The following SLCO1A2 variants were observed in gnomAD, a reference collection of about 807,000 sequenced individuals.
SLCO1A2 encodes the protein OATP-1.
SLCO1A2 carries 67 observed loss-of-function variants against 69.0 expected under a neutral mutation model. The observed-to-expected ratio is 0.97, with a 90% CI of 0.80 to 1.19. SLCO1A2 has a LOEUF of 1.19. Ranked by LOEUF, SLCO1A2 falls within the 50% of genes most tolerant of loss-of-function variation. SLCO1A2 has a pLI of 0.00. For synonymous variants in SLCO1A2, 260 were observed against 265.9 expected, an observed-to-expected ratio of 0.98 and a Z score of 0.22; for missense variants, 787 against 793.7, an observed-to-expected ratio of 0.99 and a Z score of 0.10.
intron 4 of SLCO1A2, among the ~76,000 whole-genome samples, chr12:21,310,020 A>C (rs188814290): frequency 6.6e-6 from 1 of 152,342 alleles, no homozygotes; most frequent in African/African-American, 2.4e-5. Flanking sequence ...TGATATAACG[A>C]GGTAATTATT....
intron 11 of SLCO1A2, among the ~76,000 whole-genome samples, chr12:21,292,538 T>C (rs1016811115): frequency 6.6e-6 from 1 of 152,160 alleles, no homozygotes; most frequent in Non-Finnish European, 1.5e-5. Flanking sequence ...TAAATATGAA[T>C]AGTAAATTTG....
chr12:21,328,884 T>C (rs1952428432), intron 2 of SLCO1A2, among the ~76,000 whole-genome samples: 1 of 152,166 alleles, frequency 6.6e-6, no homozygotes. Flanking sequence ...AATGGGAGAA[T>C]ATCCCAGTTA....
chr12:21,391,268 T>C (rs1348940776), intron 1 of SLCO1A2, among the ~76,000 whole-genome samples: 1 of 152,158 alleles, frequency 6.6e-6, no homozygotes, highest in Non-Finnish European at 1.5e-5. Context: ...TACCCATTTA[T>C]AGAGGAGCCC....
intron 12 of SLCO1A2, among the ~76,000 whole-genome samples, chr12:21,286,808 T>C (rs1302631024): frequency 1.5e-5 from 2 of 133,734 alleles, no homozygotes; most frequent in Non-Finnish European, 3.1e-5. Flanking sequence ...GCTAGCCATA[T>C]GTAGAAAGCT....
chr12:21,301,461 C>T (rs1948704344), intron 6 of SLCO1A2, among the ~76,000 whole-genome samples, 192 bp from the exon 7 acceptor site: 1 of 152,142 alleles, frequency 6.6e-6, no homozygotes, highest in Admixed American at 6.6e-5. Flanking sequence ...AAAGAAGCCT[C>T]ATAATTTAAA....
At chr12:21,412,353 C>G (rs1941921459) in intron 1 of SLCO1A2, among the ~76,000 whole-genome samples, 1 of 151,662 alleles carries the variant, frequency 6.6e-6, no homozygotes, top group South Asian at 2.1e-4. Context: ...TACACTCCAG[C>G]CTGGTGATAG....
chr12:21,296,686 G>C (rs911532104), intron 9 of SLCO1A2, among the ~76,000 whole-genome samples: 24 of 152,272 alleles, frequency 1.6e-4, no homozygotes, highest in African/African-American at 5.3e-4. Context: ...GATAGCCCTA[G>C]GTTCCATCTA....
chr12:21,419,367 G>C (rs555960840), upstream of SLCO1A2: 14 of 153,862 alleles, frequency 9.1e-5, 1 homozygote, highest in Admixed American at 9.2e-4. Context: ...TGCGTGCACC[G>C]TGCGCGAGCC....
At chr12:21,321,282 A>G (rs1951586846) in intron 2 of SLCO1A2, among the ~76,000 whole-genome samples, 1 of 152,070 alleles carries the variant, frequency 6.6e-6, no homozygotes, top group Non-Finnish European at 1.5e-5. Flanking sequence ...CCCTTTTGCT[A>G]TGCATGCTGT....
intron 12 of SLCO1A2, among the ~76,000 whole-genome samples, chr12:21,277,816 C>G (rs766444923): frequency 6.6e-6 from 1 of 152,158 alleles, no homozygotes; most frequent in Admixed American, 6.5e-5. Context: ...AGGCAGAACT[C>G]AGGGGGTAAT....
At chr12:21,383,779 A>G (rs1343875543) in intron 1 of SLCO1A2, among the ~76,000 whole-genome samples, 2 of 152,092 alleles carry the variant, frequency 1.3e-5, no homozygotes, top group Non-Finnish European at 2.9e-5. Flanking sequence ...TTGGTTATGT[A>G]TGCTCAAGTG....
chr12:21,360,920 A>T (rs925507031), intron 2 of SLCO1A2, among the ~76,000 whole-genome samples: 2 of 152,166 alleles, frequency 1.3e-5, no homozygotes, highest in Non-Finnish European at 2.9e-5. Context: ...ACCGCAGCTC[A>T]AGGAGGCCTG....
chr12:21,321,710 C>G (rs1951652096), intron 2 of SLCO1A2, among the ~76,000 whole-genome samples: 1 of 152,080 alleles, frequency 6.6e-6, no homozygotes, highest in Non-Finnish European at 1.5e-5. Flanking sequence ...GCCTTTCTTC[C>G]CTTTGTTCAC....
intron 2 of SLCO1A2, among the ~76,000 whole-genome samples, chr12:21,370,266 G>A (rs113334374): frequency 7.9e-5 from 12 of 151,640 alleles, no homozygotes; most frequent in Non-Finnish European, 1.0e-4. Flanking sequence ...GTGGGATATC[G>A]CATATCAATT....
chr12:21,266,379 T>C lies in SLCO1A2; in HGVS notation c.*3169A>G, dbSNP rs1056171492. ...CAATCCCTAGTGTCCTTCCAGAGACTGATTAAAAGGCTTTTCTAATATACC... is the reference window on the plus strand; with the variant it reads ...CAATCCCTAGTGTCCTTCCAGAGACCGATTAAAAGGCTTTTCTAATATACC... On this transcript the variant is annotated 3_prime_UTR_variant, in exon 15 of 15. Coordinates refer to ENST00000683939, the MANE Select transcript of SLCO1A2 (RefSeq NM_001386879.1). 3 of 152,184 alleles carry C rather than the reference T, an allele frequency of 2.0e-5. No homozygotes were observed. The East Asian group carries it at 5.8e-4, about 29-fold the overall frequency. 9.4% of individuals were successfully genotyped at this position (152,184 alleles called of 1,614,324 possible).
At chr12:21,355,393 A>C (rs190523302) in intron 2 of SLCO1A2, among the ~76,000 whole-genome samples, 1 of 152,330 alleles carries the variant, frequency 6.6e-6, no homozygotes, top group East Asian at 1.9e-4. Context: ...AAGGAAAAGA[A>C]ATCTCGAAGT....
intron 2 of SLCO1A2, among the ~76,000 whole-genome samples, chr12:21,348,979 A>C (rs1376274832): frequency 6.6e-6 from 1 of 152,174 alleles, no homozygotes; most frequent in African/African-American, 2.4e-5. Flanking sequence ...ACTCTGGTAG[A>C]GTATGTTAAT....
chr12:21,384,095 T>C (rs1420579735), intron 1 of SLCO1A2, among the ~76,000 whole-genome samples: 1 of 152,198 alleles, frequency 6.6e-6, no homozygotes, highest in African/African-American at 2.4e-5. Flanking sequence ...ATATTTTTAA[T>C]GTCCAATCAG....
intron 1 of SLCO1A2, among the ~76,000 whole-genome samples, chr12:21,393,051 GA>G (rs576208720): frequency 1.2e-4 from 18 of 152,102 alleles, no homozygotes; most frequent in African/African-American, 4.3e-4. Context: ...ATGCCTCCTG[GA>G]GCAGAATCAC....
Sources: gnomAD v4.1 joint callset for allele counts (sites outside exome capture counted in the v4.1 genomes callset) on GRCh38, gnomAD v4.1.1 for gene constraint, MANE v1.5 for transcripts, NCBI Gene and HGNC (gene_info 2026-07-23, HGNC 2026-07-21) for gene names.